Variants in PKIA observed in about 807,000 individuals in gnomAD.
PKIA encodes cAMP-dependent protein kinase inhibitor alpha.
Under a neutral mutation model 7.6 loss-of-function variants are expected in PKIA, and 4 were observed. The ratio of observed to expected loss-of-function variants is 0.52; its 90% CI spans 0.26 to 1.20. The LOEUF (loss-of-function observed/expected upper bound fraction) is 1.20. Ranked by LOEUF, PKIA falls within the 50% of genes most tolerant of loss-of-function variation. PKIA has a pLI of 0.13. For synonymous variants in PKIA, 21 were observed against 30.7 expected, an observed-to-expected ratio of 0.68 and a Z score of 1.04; for missense variants, 73 against 86.2, an observed-to-expected ratio of 0.85 and a Z score of 0.61.
chr8:78,564,391 A>C (rs1807357752), intron 1 of PKIA, among the ~76,000 whole-genome samples: 1 of 151,954 alleles, frequency 6.6e-6, no homozygotes, highest in African/African-American at 2.4e-5. Context: ...AATTAAGAGA[A>C]AATACAATTA....
At chr8:78,533,632 G>A (rs990922085) in intron 1 of PKIA, among the ~76,000 whole-genome samples, 1 of 152,060 alleles carries the variant, frequency 6.6e-6, no homozygotes, top group African/African-American at 2.4e-5. Context: ...TGAGATGGAG[G>A]AGTGCTTGAA....
At chr8:78,578,759 T>TGCCCTAAAACTCATTCTTG (rs1807736319) in intron 2 of PKIA, among the ~76,000 whole-genome samples, 1 of 151,954 alleles carries the variant, frequency 6.6e-6, no homozygotes, top group African/African-American at 2.4e-5. Context: ...ATTGCTAGAG[T>TGCCCTAAAACTCATTCTTG]GCCCTAAAAC....
At chr8:78,540,052 A>G (rs1421440281) in intron 1 of PKIA, among the ~76,000 whole-genome samples, 1 of 151,696 alleles carries the variant, frequency 6.6e-6, no homozygotes, top group East Asian at 1.9e-4. Flanking sequence ...TTTTCTTCTT[A>G]CAATTACAAC....
intron 1 of PKIA, among the ~76,000 whole-genome samples, chr8:78,564,008 A>G (rs552313541): frequency 6.6e-6 from 1 of 152,170 alleles, no homozygotes; most frequent in East Asian, 1.9e-4. Context: ...CTCTAACAAA[A>G]AGGGAATACG....
intron 1 of PKIA, among the ~76,000 whole-genome samples, chr8:78,519,465 A>C (rs1264315518): frequency 1.3e-5 from 2 of 152,166 alleles, no homozygotes; most frequent in Admixed American, 1.3e-4. Context: ...CTTTTTTAAA[A>C]GTTCAGAAAT....
intron 1 of PKIA, among the ~76,000 whole-genome samples, chr8:78,555,746 TGA>T (rs1192786130): frequency 1.3e-5 from 2 of 151,938 alleles, no homozygotes; most frequent in African/African-American, 2.4e-5. Flanking sequence ...TGTGTGTGTG[TGA>T]GAGAGTGTTT....
intron 1 of PKIA, among the ~76,000 whole-genome samples, chr8:78,571,874 G>A (rs1055177566): frequency 4.6e-5 from 7 of 152,052 alleles, no homozygotes; most frequent in Non-Finnish European, 8.8e-5. Flanking sequence ...ATTGTCTGTC[G>A]CTCCTAGATT....
intron 1 of PKIA, among the ~76,000 whole-genome samples, chr8:78,524,260 G>A (rs1809500099): frequency 7.0e-6 from 1 of 142,504 alleles, no homozygotes; most frequent in Non-Finnish European, 1.5e-5. Context: ...ATATATATGG[G>A]TTTCTACTTA....
rs995041726 is a variant in PKIA at position 78,603,276 on chromosome 8, C to T, written c.*1455C>T. ...GACAATGGGAGTCCCTTTACAATAA[C>T]GAGCCCACTTAGCTGTCCTTGAGGG... On this transcript the variant is annotated 3_prime_UTR_variant, in exon 4 of 4. Transcript: ENST00000396418. 6.6e-6 allele frequency: 1 copy of T among 152,284 alleles called. No individual in the cohort carries two copies. The highest frequency in any genetic ancestry group is 1.9e-4 in the East Asian group (1 of 5,184). The allele number at this position is 152,284 out of a possible 1,614,324, so 9.4% of individuals were successfully genotyped here.
chr8:78,539,013 C>T (rs1198438371), intron 1 of PKIA, among the ~76,000 whole-genome samples: 1 of 151,632 alleles, frequency 6.6e-6, no homozygotes, highest in East Asian at 1.9e-4. Flanking sequence ...AATGATAGAC[C>T]AAAAAAGTGC....
At chr8:78,575,073 G>T (rs943323551) in intron 2 of PKIA, among the ~76,000 whole-genome samples, 3 of 151,842 alleles carry the variant, frequency 2.0e-5, no homozygotes, top group Non-Finnish European at 4.4e-5. Context: ...ATGTCTAAGG[G>T]TTATCTTCGG....
chr8:78,566,533 C>A (rs572392059), intron 1 of PKIA, among the ~76,000 whole-genome samples: 3 of 152,148 alleles, frequency 2.0e-5, no homozygotes, highest in African/African-American at 7.2e-5. Flanking sequence ...ATGCCAGTAT[C>A]ATTGGCAACC....
At chr8:78,598,661 G>A in intron 3 of PKIA, 126 bp downstream of exon 3, 2 of 713,208 alleles carry the variant, frequency 2.8e-6, no homozygotes, top group South Asian at 3.8e-5. Flanking sequence ...AACAATCTAA[G>A]GCAAGATGAA....
chr8:78,601,739 C>G lies in PKIA; in HGVS notation c.152-3C>G. On this transcript the variant is annotated splice_polypyrimidine_tract_variant and splice_region_variant and intron_variant, in intron 3 of 3. Coordinates refer to ENST00000396418, the MANE Select transcript of PKIA (RefSeq NM_006823.4). ...TTATTCTGTTTTCGTTTTTCTTTTGCAGAAGGTGAAGAAGATGCACAACGA... is the reference window on the plus strand; with the variant it reads ...TTATTCTGTTTTCGTTTTTCTTTTGGAGAAGGTGAAGAAGATGCACAACGA... 1 of 1,609,026 alleles carries G rather than the reference C, an allele frequency of 6.2e-7. No homozygotes were observed. Among genetic ancestry groups the G allele is most frequent in the Non-Finnish European group, 8.5e-7 (1 of 1,176,802 alleles).
At chr8:78,525,899 T>C (rs948536827) in intron 1 of PKIA, among the ~76,000 whole-genome samples, 3 of 152,010 alleles carry the variant, frequency 2.0e-5, no homozygotes, top group African/African-American at 7.2e-5. Context: ...TACCATTTAC[T>C]AGCTGTGTGA....
chr8:78,520,179 C>T (rs1427539627), intron 1 of PKIA, among the ~76,000 whole-genome samples: 1 of 151,760 alleles, frequency 6.6e-6, no homozygotes, highest in East Asian at 1.9e-4. Flanking sequence ...TCTACCTACA[C>T]TCCTCTACCA....
chr8:78,600,540 C>T (rs1425485862), intron 3 of PKIA, among the ~76,000 whole-genome samples: 3 of 151,948 alleles, frequency 2.0e-5, no homozygotes, highest in African/African-American at 7.2e-5. Context: ...CTTACATATG[C>T]CCTAATTTGA....
chr8:78,531,332 A>C (rs36009208), intron 1 of PKIA, among the ~76,000 whole-genome samples: 37,294 of 152,042 alleles, frequency 0.25, 5,161 homozygotes, highest in African/African-American at 0.38. Context: ...ATTAGTGATT[A>C]TGGTTTTCAG....
intron 1 of PKIA, among the ~76,000 whole-genome samples, chr8:78,541,430 G>C (rs1441540703): frequency 6.6e-6 from 1 of 152,104 alleles, no homozygotes; most frequent in African/African-American, 2.4e-5. Flanking sequence ...ATATCTGACA[G>C]AAATGTATTT....
Sources: allele counts gnomAD v4.1 joint callset (sites outside exome capture counted in the v4.1 genomes callset), GRCh38; gene constraint gnomAD v4.1.1; transcripts MANE v1.5; gene names NCBI Gene and HGNC (gene_info 2026-07-23, HGNC 2026-07-21).